PLA2G4C: variants seen among roughly 807,000 people sequenced by gnomAD.
PLA2G4C encodes cytosolic phospholipase A2 gamma.
In PLA2G4C, 64 loss-of-function variants were observed where a neutral mutation model predicts 73.8. The ratio of observed to expected loss-of-function variants is 0.87; its 90% CI spans 0.71 to 1.07. PLA2G4C has a LOEUF of 1.07. Ranked by LOEUF, PLA2G4C falls within the 50% of genes least tolerant of loss-of-function variation. PLA2G4C has a pLI of 0.00. For synonymous variants in PLA2G4C, 254 were observed against 252.1 expected (o/e 1.01, Z -0.07); for missense variants, 622 against 665.4 (o/e 0.93, Z 0.72).
At chr19:48,062,927 T>C (rs1394228680) in intron 13 of PLA2G4C, among the ~76,000 whole-genome samples, 1 of 152,104 alleles carries the variant, frequency 6.6e-6, no homozygotes, top group Non-Finnish European at 1.5e-5. Flanking sequence ...GGTTTAGACA[T>C]TTTAGGAAGA....
At chr19:48,077,718 C>T (rs1277463051) in intron 11 of PLA2G4C, 53 bp downstream of exon 11, 11 of 1,297,010 alleles carry the variant, frequency 8.5e-6, no homozygotes, top group Middle Eastern at 1.8e-4. Context: ...GGCTTCAAGC[C>T]AGTGTGCAGT....
At chr19:48,106,727 T>A in intron 1 of PLA2G4C, 166 bp from the exon 2 acceptor site, 1 of 585,054 alleles carries the variant, frequency 1.7e-6, no homozygotes. Context: ...AGTTTAATAA[T>A]CTCAGGGGCG....
At chr19:48,055,276 G>A (rs934961937) in intron 14 of PLA2G4C, among the ~76,000 whole-genome samples, 2 of 151,592 alleles carry the variant, frequency 1.3e-5, no homozygotes, top group East Asian at 1.9e-4. Flanking sequence ...AGGTTAGAGA[G>A]TAACCTTTGG....
At chr19:48,061,716 A>T in intron 14 of PLA2G4C, 1 of 403,538 alleles carries the variant, frequency 2.5e-6, no homozygotes. Flanking sequence ...TGCAGTTCAA[A>T]CTGGTATGAA....
In PLA2G4C at chr19:48,095,578, G is replaced by C; in HGVS notation, c.595C>G (p.His199Asp). 6.2e-7 allele frequency: 1 copy of C among 1,614,062 alleles called. No homozygotes were observed. Reference sequence around the variant, plus strand: ...GCCCCCAGTGCAGAGAAGCCAGCGTGGTGAGGGGTGAACTCGAACCAGGTC... The same window carrying C: ...GCCCCCAGTGCAGAGAAGCCAGCGTCGTGAGGGGTGAACTCGAACCAGGTC... ...PETWFEFTPHHAGFSALGAFV... is the reference protein window; with the variant it reads ...PETWFEFTPHDAGFSALGAFV... The change falls in exon 7 of 17, where the codon CAC (histidine) becomes GAC (aspartate). Residue 199 changes from histidine (H) to aspartate (D), a missense_variant. Physicochemically the swap from His to Asp is moderately conservative, Grantham distance 81. Transcript: ENST00000599921.
intron 10 of PLA2G4C, among the ~76,000 whole-genome samples, chr19:48,082,857 A>G (rs2030685969): frequency 7.5e-6 from 1 of 133,040 alleles, no homozygotes; most frequent in South Asian, 2.3e-4. Context: ...TCTGTCGCCC[A>G]GGCTGGAGTG....
In PLA2G4C at chr19:48,048,648, G is replaced by A. The variant is rs1967610309; in HGVS notation, c.1581-260C>T. Among the ~76,000 whole-genome samples, 2 of 152,204 alleles carry A rather than the reference G, an allele frequency of 1.3e-5. 1 individual carries two copies. Among genetic ancestry groups the A allele is most frequent in the South Asian group, 4.1e-4 (2 of 4,824 alleles). ...GCATGTATCAGGAGCTGGGCTAGGA[G>A]GTAACTCTTTGGCCTACATCGAATG... On this transcript the variant is annotated intron_variant, in intron 16 of 16. Coordinates refer to ENST00000599921, the MANE Select transcript of PLA2G4C (RefSeq NM_003706.3).
intron 4 of PLA2G4C, 194 bp downstream of exon 4, chr19:48,104,394 C>T (rs2032061555): frequency 1.3e-5 from 7 of 520,048 alleles, no homozygotes; most frequent in Non-Finnish European, 2.4e-5. Context: ...GGGACTGAGC[C>T]CCTTTCACCT....
chr19:48,098,013 T>G (rs1402191594), intron 6 of PLA2G4C, 126 bp downstream of exon 6: 1 of 1,037,920 alleles, frequency 9.6e-7, no homozygotes, highest in Non-Finnish European at 1.4e-6. Context: ...GCACCCTGTT[T>G]TCTGCAATCC....
chr19:48,061,060 G>C (rs1242879673), intron 14 of PLA2G4C, among the ~76,000 whole-genome samples: 2 of 152,062 alleles, frequency 1.3e-5, no homozygotes, highest in Non-Finnish European at 2.9e-5. Context: ...TTGGGTGGTG[G>C]GAGAATCGCT....
At chr19:48,080,041 C>A (rs966396543) in intron 10 of PLA2G4C, among the ~76,000 whole-genome samples, 1 of 152,146 alleles carries the variant, frequency 6.6e-6, no homozygotes, top group Admixed American at 6.5e-5. Flanking sequence ...AGTAAACACA[C>A]AACCCACTGA....
intron 14 of PLA2G4C, among the ~76,000 whole-genome samples, chr19:48,059,764 CTTTTTTT>C (rs571325645): frequency 1.6e-5 from 2 of 122,464 alleles, no homozygotes; most frequent in Non-Finnish European, 3.4e-5. Context: ...GGCTTCCCTA[CTTTTTTT>C]TTTTTTTTTT....
chr19:48,092,776 A>G (rs2031379265), intron 7 of PLA2G4C, among the ~76,000 whole-genome samples: 1 of 152,136 alleles, frequency 6.6e-6, no homozygotes, highest in Non-Finnish European at 1.5e-5. Flanking sequence ...GGGACTTAGT[A>G]TTCAATGGGC....
chr19:48,092,835 A>C (rs1468708248), intron 7 of PLA2G4C, among the ~76,000 whole-genome samples: 1 of 152,214 alleles, frequency 6.6e-6, no homozygotes, highest in Non-Finnish European at 1.5e-5. Context: ...GATGGATGGC[A>C]GTGATGGTTG....
intron 14 of PLA2G4C, among the ~76,000 whole-genome samples, chr19:48,059,134 G>A (rs1228323724): frequency 3.3e-5 from 5 of 152,008 alleles, no homozygotes; most frequent in African/African-American, 1.2e-4. Context: ...AGCTGGGTGT[G>A]GTGGCGCATG....
chr19:48,073,416 A>G (rs570899012), intron 12 of PLA2G4C, among the ~76,000 whole-genome samples: 6 of 151,962 alleles, frequency 3.9e-5, no homozygotes, highest in Non-Finnish European at 5.9e-5. Flanking sequence ...TCTATTCTCC[A>G]TCTCGTCCTC....
At chr19:48,105,284 G>T (rs2032118338) in intron 3 of PLA2G4C, 49 bp downstream of exon 3, 1 of 1,300,914 alleles carries the variant, frequency 7.7e-7, no homozygotes, top group Non-Finnish European at 1.1e-6. Context: ...ACTGGGCACA[G>T]AGGGGGCGAT....
chr19:48,105,413 T>C lies in PLA2G4C; in HGVS notation c.40A>G (p.Lys14Glu), dbSNP rs777355950. 1 of 1,613,756 alleles carries C rather than the reference T, an allele frequency of 6.2e-7. No homozygotes were observed. Among genetic ancestry groups the C allele is most frequent in the African/African-American group, 1.3e-5 (1 of 74,884 alleles). ...CTCTCCACGGCCGCCTTTTCTTCTT[T>C]CTGGAGCCCAGGAATTATGGAAACT... ...SEVSIIPGLQ[K>E]EEKAAVERRR... The change falls in exon 3 of 17, where the codon AAA (lysine) becomes GAA (glutamate). Residue 14 changes from lysine to glutamate, a missense_variant. Coordinates refer to ENST00000599921, the MANE Select transcript of PLA2G4C (RefSeq NM_003706.3).
At chr19:48,090,900 G>A (rs1348059396) in intron 7 of PLA2G4C, among the ~76,000 whole-genome samples, 3 of 152,132 alleles carry the variant, frequency 2.0e-5, no homozygotes, top group Non-Finnish European at 4.4e-5. Context: ...AGCTACTTGG[G>A]AGGCTGAGGC....
Sources: allele counts gnomAD v4.1 joint callset (sites outside exome capture counted in the v4.1 genomes callset), GRCh38; gene constraint gnomAD v4.1.1; transcripts MANE v1.5; gene names NCBI Gene and HGNC (gene_info 2026-07-23, HGNC 2026-07-21).